The following KCNIP4 variants were observed in gnomAD, a reference collection of about 807,000 sequenced individuals.
KCNIP4 encodes potassium voltage-gated channel interacting protein 4, also known as Kv channel-interacting protein 4.
Under a neutral mutation model 34.0 loss-of-function variants are expected in KCNIP4, and 12 were observed. The ratio of observed to expected loss-of-function variants is 0.35; its 90% CI spans 0.23 to 0.57. The LOEUF (loss-of-function observed/expected upper bound fraction) is 0.57. KCNIP4 is among the 20% of genes least tolerant of loss of function. The pLI is 0.83. For missense variants in KCNIP4, 238 were observed against 311.7 expected (o/e 0.76, Z 1.78); for synonymous variants, 124 against 102.2 (o/e 1.21, Z -1.29).
At position 20,730,209 on chromosome 4, in the gene KCNIP4, T is replaced by TCCTCCCATCAACCACCTCAACCA. The variant is rs1372503724; in HGVS notation, c.706-103_706-81dup. 6.1e-6 allele frequency: 9 copies of TCCTCCCATCAACCACCTCAACCA among 1,477,118 alleles called. 1 individual carries two copies. In the Middle Eastern group the frequency reaches 5.4e-4, roughly 89 times the overall value. The allele number at this position is 1,477,118 out of a possible 1,614,324, so 91.5% of individuals were successfully genotyped here. A position where few individuals can be genotyped will look rare whatever the true frequency, so the allele number is the denominator to read the frequency against. ...CACTATTTTGCCCCTGAGTATTGCC[T>TCCTCCCATCAACCACCTCAACCA]CCTCCCATCAACCACCTCAACCACC... is the stretch of plus-strand genomic sequence containing the variant. On this transcript the variant is annotated intron_variant, in intron 8 of 8. Transcript: ENST00000382152.
chr4:21,677,604 C>G (rs1005616358), intron 1 of KCNIP4, among the ~76,000 whole-genome samples: 9 of 152,224 alleles, frequency 5.9e-5, no homozygotes, highest in Non-Finnish European at 1.2e-4. Context: ...TCCTGTTCCA[C>G]TGGTATGCAT....
intron 3 of KCNIP4, among the ~76,000 whole-genome samples, chr4:20,797,567 A>G (rs1713641828): frequency 6.6e-6 from 1 of 152,244 alleles, no homozygotes; most frequent in African/African-American, 2.4e-5. Flanking sequence ...GAATTTATCC[A>G]GGTGGGTGCG....
At chr4:21,254,946 G>A (rs76646819) in intron 1 of KCNIP4, among the ~76,000 whole-genome samples, 3,329 of 152,002 alleles carry the variant, frequency 0.022, 90 homozygotes, top group East Asian at 0.16. Flanking sequence ...ACTGCCACCC[G>A]TCCCCAGACT....
chr4:21,656,368 C>T (rs551146213), intron 1 of KCNIP4: 19 of 152,260 alleles, frequency 1.2e-4, no homozygotes, highest in African/African-American at 4.1e-4. Flanking sequence ...TTCAATGATC[C>T]TATATTCAAA....
chr4:21,484,321 G>A (rs1189097242), intron 1 of KCNIP4, among the ~76,000 whole-genome samples: 1 of 152,036 alleles, frequency 6.6e-6, no homozygotes, highest in Non-Finnish European at 1.5e-5. Context: ...CAGCTACTCA[G>A]GAGGCTGAGG....
At chr4:21,289,361 C>T (rs1409318339) in intron 1 of KCNIP4, among the ~76,000 whole-genome samples, 1 of 152,032 alleles carries the variant, frequency 6.6e-6, no homozygotes, top group Non-Finnish European at 1.5e-5. Context: ...TATAGTCATC[C>T]TCTTGTGCTA....
chr4:21,656,176 G>T (rs1347779671), intron 1 of KCNIP4, among the ~76,000 whole-genome samples: 1 of 152,138 alleles, frequency 6.6e-6, no homozygotes, highest in Non-Finnish European at 1.5e-5. Flanking sequence ...CTGGTGGTTT[G>T]CTGGCAATCT....
At chr4:21,251,317 G>C (rs1238317235) in intron 1 of KCNIP4, among the ~76,000 whole-genome samples, 1 of 152,066 alleles carries the variant, frequency 6.6e-6, no homozygotes, top group East Asian at 1.9e-4. Context: ...TTCTCTGTGA[G>C]CTAAATGCTA....
Position 21,146,597 on chromosome 4 carries a change from A to G in KCNIP4, c.62-263888T>C, listed in dbSNP as rs541181906. Among the ~76,000 whole-genome samples, 29 of 152,312 alleles carry G rather than the reference A, an allele frequency of 1.9e-4. No homozygotes were observed. The South Asian group carries it at 5.8e-3, about 30-fold the overall frequency. Reference sequence around the variant, plus strand: ...CTGTCACTTTATGTCACAGTCATACAGTTCCCGAATAGCAACCCATAGATA... The same window carrying G: ...CTGTCACTTTATGTCACAGTCATACGGTTCCCGAATAGCAACCCATAGATA... On this transcript the variant is annotated intron_variant, in intron 1 of 8. Transcript: ENST00000382152.
rs149265235 is a variant in KCNIP4 at position 21,873,773 on chromosome 4, G to A, written c.61+74798C>T. Reference sequence around the variant, plus strand: ...GTGAATTCTGTAAACAGATCAATAGGAAGTTTCAAATAAATAGGTCTTGTA... The same window carrying A: ...GTGAATTCTGTAAACAGATCAATAGAAAGTTTCAAATAAATAGGTCTTGTA... On this transcript the variant is annotated intron_variant, in intron 1 of 8. Transcript: ENST00000382152. 6.3e-3 allele frequency among the ~76,000 whole-genome samples: 965 copies of A among 152,292 alleles called. 9 individuals carry two copies. Among genetic ancestry groups the A allele is most frequent in the African/African-American group, 0.021 (862 of 41,576 alleles).
chr4:21,646,480 C>T (rs73254393), intron 1 of KCNIP4, among the ~76,000 whole-genome samples: 4,162 of 152,086 alleles, frequency 0.027, 64 homozygotes, highest in South Asian at 0.051. Context: ...ATAAAGATAC[C>T]GAATTGCTAT....
intron 1 of KCNIP4, among the ~76,000 whole-genome samples, chr4:21,445,411 G>A (rs1261833209): frequency 6.6e-6 from 1 of 151,662 alleles, no homozygotes; most frequent in Non-Finnish European, 1.5e-5. Flanking sequence ...GCATGGTACT[G>A]GTACCAAAAC....
At chr4:21,693,382 G>A (rs558981199) in intron 1 of KCNIP4, among the ~76,000 whole-genome samples, 2 of 152,202 alleles carry the variant, frequency 1.3e-5, no homozygotes, top group African/African-American at 2.4e-5. Context: ...CCAACATGGC[G>A]AAACCTCGTC....
chr4:21,818,276 C>A lies in KCNIP4; in HGVS notation c.61+130295G>T, dbSNP rs184938228. Among the ~76,000 whole-genome samples, 205 of 152,322 alleles carry A rather than the reference C, an allele frequency of 1.3e-3. 1 individual carries two copies. Among genetic ancestry groups the A allele is most frequent in the African/African-American group, 4.6e-3 (193 of 41,572 alleles). On this transcript the variant is annotated intron_variant, in intron 1 of 8. Coordinates refer to ENST00000382152, the MANE Select transcript of KCNIP4 (RefSeq NM_025221.6). ...CAGTATTCTCCCATATGCCCCTCAG[C>A]TTCTCACTCAAAAAGCATCAACCCC...
chr4:20,922,365 T>C (rs1207227744), intron 1 of KCNIP4, among the ~76,000 whole-genome samples: 1 of 152,202 alleles, frequency 6.6e-6, no homozygotes. Flanking sequence ...TTTCTTTCTT[T>C]GGAGCTGTGA....
At chr4:21,383,182 C>A (rs1347711632) in intron 1 of KCNIP4, among the ~76,000 whole-genome samples, 1 of 152,210 alleles carries the variant, frequency 6.6e-6, no homozygotes, top group Non-Finnish European at 1.5e-5. Context: ...ACCAACCCTG[C>A]TGACACCTTG....
intron 1 of KCNIP4, among the ~76,000 whole-genome samples, chr4:21,715,418 C>A (rs901150571): frequency 3.3e-5 from 5 of 152,040 alleles, no homozygotes; most frequent in Non-Finnish European, 7.4e-5. Flanking sequence ...GTGTGAGCCA[C>A]CGCGCCCAGC....
At chr4:21,247,008 G>A (rs1036476255) in intron 1 of KCNIP4, among the ~76,000 whole-genome samples, 4 of 152,044 alleles carry the variant, frequency 2.6e-5, no homozygotes, top group Non-Finnish European at 4.4e-5. Flanking sequence ...CAAGAGATAA[G>A]GATTATATTG....
At chr4:21,757,576 T>G (rs1717750814) in intron 1 of KCNIP4, among the ~76,000 whole-genome samples, 1 of 152,180 alleles carries the variant, frequency 6.6e-6, no homozygotes, top group Non-Finnish European at 1.5e-5. Flanking sequence ...TAGAGACGTC[T>G]TCACCATTTA....
Sources: gnomAD v4.1 joint callset for allele counts (sites outside exome capture counted in the v4.1 genomes callset) on GRCh38, gnomAD v4.1.1 for gene constraint, MANE v1.5 for transcripts, NCBI Gene and HGNC (gene_info 2026-07-23, HGNC 2026-07-21) for gene names.